SLC47A2: variants seen among roughly 807,000 people sequenced by gnomAD.
SLC47A2 encodes solute carrier family 47 member 2, also known as multidrug and toxin extrusion protein 2.
In SLC47A2, 52 loss-of-function variants were observed where a neutral mutation model predicts 67.7. The observed-to-expected ratio is 0.77, with a 90% confidence interval of 0.61 to 0.97. SLC47A2 has a LOEUF of 0.97. Ranked by LOEUF, SLC47A2 falls within the 50% of genes least tolerant of loss-of-function variation. The probability of loss-of-function intolerance (pLI) is 0.00; values close to 1 mark genes in which losing one functional copy is unlikely to be tolerated. For missense variants in SLC47A2, 676 were observed against 712.3 expected (o/e 0.95, Z 0.58); for synonymous variants, 278 against 292.9 (o/e 0.95, Z 0.52).
At chr17:19,704,829 T>TA in intron 10 of SLC47A2, 1 of 654,814 alleles carries the variant, frequency 1.5e-6, no homozygotes, top group South Asian at 2.6e-5. Flanking sequence ...GTGCTTTTTT[T>TA]TTTTTTTTTT....
At chr17:19,702,755 C>G in intron 12 of SLC47A2, 81 bp from the exon 13 acceptor site, 1 of 1,461,482 alleles carries the variant, frequency 6.8e-7, no homozygotes, top group Non-Finnish European at 9.4e-7. Flanking sequence ...CACACCCCAC[C>G]CCCACAAGAA....
Position 19,681,365 on chromosome 17 carries a change from ACCT to A in SLC47A2, c.1391_1392+1del. 3 of 1,600,484 alleles carry A rather than the reference ACCT, an allele frequency of 1.9e-6. No homozygotes were observed. The highest frequency in any genetic ancestry group is 3.3e-4 in the Middle Eastern group (2 of 5,984). ...GTGGCCAGGGTCAGCTGACCCACTT[ACCT>A]CCTCTGCAGCAAGCTTCCAGTCCAG... is the stretch of plus-strand genomic sequence containing the variant. On this transcript the variant is annotated splice_donor_variant and coding_sequence_variant, in exon 15 of 17. Coordinates refer to ENST00000433844, the MANE Select transcript of SLC47A2 (RefSeq NM_001099646.3). LOFTEE classifies it high-confidence loss of function.
rs2085412091 is a variant in SLC47A2, at chr17:19,685,616, A to C, written c.1165-3946T>G. On this transcript the variant is annotated intron_variant, in intron 13 of 16. Transcript: ENST00000433844. The surrounding 1 kb of genome is among the most constrained non-coding windows in gnomAD (Gnocchi z 4.5). ...GCTTGAAGGCAGCATGCTCATTAAG[A>C]GTCATCACCACTCCCTAATCTCAAG... 6.6e-6 allele frequency among the ~76,000 whole-genome samples: 1 copy of C among 152,190 alleles called. No homozygotes were observed. The highest frequency in any genetic ancestry group is 1.5e-5 in the Non-Finnish European group (1 of 68,036).
At chr17:19,712,793 G>C in intron 4 of SLC47A2, 48 bp from the exon 5 acceptor site, 1 of 1,582,352 alleles carries the variant, frequency 6.3e-7, no homozygotes, top group Non-Finnish European at 8.6e-7. Context: ...GTGGCCCGGG[G>C]AGGCAGGGCC....
chr17:19,691,854 A>G (rs2085548291), intron 13 of SLC47A2, among the ~76,000 whole-genome samples: 1 of 152,256 alleles, frequency 6.6e-6, no homozygotes, highest in Admixed American at 6.5e-5. Flanking sequence ...CATGTACCCC[A>G]TAAATATATA....
intron 13 of SLC47A2, among the ~76,000 whole-genome samples, chr17:19,699,192 G>GT (rs545469641): frequency 1.3e-4 from 19 of 149,718 alleles, no homozygotes; most frequent in Middle Eastern, 3.4e-3. Flanking sequence ...AGAAAGCCTA[G>GT]TTTTTTTTTT....
intron 13 of SLC47A2, among the ~76,000 whole-genome samples, chr17:19,683,369 T>C (rs1177472078): frequency 6.6e-6 from 1 of 152,142 alleles, no homozygotes; most frequent in African/African-American, 2.4e-5. Flanking sequence ...AGTGCTGAGG[T>C]TGAGAAACTC....
At position 19,706,697 on chromosome 17, in the gene SLC47A2, G is replaced by A; in HGVS notation, c.792C>T (p.Leu264=). The change falls in exon 9 of 17, where the codon CTC becomes CTT. Residue 264 remains leucine (L), a synonymous_variant. Coordinates refer to ENST00000433844, the MANE Select transcript of SLC47A2 (RefSeq NM_001099646.3). ...PFFSLAVPSM[L]MICVEWWAYE... ...AGGCCCACCACTCAACACAGATCAT[G>A]AGCATGCTGGGGACAGCCAGGGAGA... The A allele has an allele frequency of 6.2e-7, 1 of 1,611,564 alleles. No individual in the cohort carries two copies. The highest frequency in any genetic ancestry group is 8.5e-7 in the Non-Finnish European group (1 of 1,179,284).
intron 5 of SLC47A2, among the ~76,000 whole-genome samples, chr17:19,709,222 G>A (rs1464517965): frequency 3.9e-5 from 6 of 152,240 alleles, no homozygotes; most frequent in Non-Finnish European, 5.9e-5. Context: ...CATGCTGGCC[G>A]TGGGCAGCCT....
intron 13 of SLC47A2, among the ~76,000 whole-genome samples, chr17:19,701,167 CAAAAAAA>C (rs35086555): frequency 1.5e-5 from 1 of 64,962 alleles, no homozygotes; most frequent in African/African-American, 5.3e-5. Flanking sequence ...GACTCTGTCT[CAAAAAAA>C]AAAAAAAAAA....
chr17:19,707,919 C>T, intron 7 of SLC47A2, 76 bp from the exon 8 acceptor site: 3 of 1,397,084 alleles, frequency 2.1e-6, no homozygotes, highest in Non-Finnish European at 3.0e-6. Context: ...AGAGGTGGCT[C>T]TGGCGGCCAG....
At chr17:19,696,180 C>T (rs1025099688) in intron 13 of SLC47A2, among the ~76,000 whole-genome samples, 5 of 150,638 alleles carry the variant, frequency 3.3e-5, no homozygotes, top group African/African-American at 9.8e-5. Context: ...GGGCCTGGTG[C>T]GGTGGCTCAC....
chr17:19,712,114 C>T (rs141124974), intron 5 of SLC47A2, among the ~76,000 whole-genome samples: 2,012 of 152,198 alleles, frequency 0.013, 17 homozygotes, highest in Non-Finnish European at 0.019. Flanking sequence ...GGGCCGGGCA[C>T]GGTGGCTCAC....
intron 15 of SLC47A2, among the ~76,000 whole-genome samples, chr17:19,681,009 C>G (rs898101326): frequency 3.9e-5 from 6 of 151,948 alleles, no homozygotes; most frequent in Non-Finnish European, 5.9e-5. Context: ...GTCAGGAGAT[C>G]GAGACCATCC....
intron 15 of SLC47A2, 94 bp from the exon 16 acceptor site, chr17:19,680,133 A>T (rs960966935): frequency 2.5e-6 from 3 of 1,212,442 alleles, no homozygotes; most frequent in Non-Finnish European, 3.5e-6. Flanking sequence ...AAAACATTGC[A>T]AGCTGAAGCA....
At chr17:19,683,670 G>C (rs1000091291) in intron 13 of SLC47A2, among the ~76,000 whole-genome samples, 1 of 152,158 alleles carries the variant, frequency 6.6e-6, no homozygotes, top group Non-Finnish European at 1.5e-5. Flanking sequence ...GAGACCCGTA[G>C]TACCCAGAAG....
chr17:19,714,188 G>A (rs760525675), intron 3 of SLC47A2, among the ~76,000 whole-genome samples: 7 of 152,210 alleles, frequency 4.6e-5, no homozygotes, highest in Non-Finnish European at 7.3e-5. Context: ...GCTCCAAGGA[G>A]GACGAAGGCA....
rs369655056 is a variant in SLC47A2 at position 19,692,827 on chromosome 17, C to A, written c.1164+9778G>T. On this transcript the variant is annotated intron_variant, in intron 13 of 16. Transcript: ENST00000433844. ...TAGTAATATACAGAAAATATATACA[C>A]CATGATCAAGAGAGGTTTATCCGGG... Among the ~76,000 whole-genome samples, 171 of 152,224 alleles carry A rather than the reference C, an allele frequency of 1.1e-3. 3 individuals are homozygous for A. In the South Asian group the frequency reaches 0.034, roughly 31 times the overall value.
At position 19,683,478 on chromosome 17, in the gene SLC47A2, C is replaced by T. The variant is rs184132211; in HGVS notation, c.1165-1808G>A. Among the ~76,000 whole-genome samples the T allele has an allele frequency of 3.9e-5, 6 of 152,262 alleles. No homozygotes were observed. The East Asian group carries it at 7.7e-4, about 20-fold the overall frequency. ...TGTGGGCCTGTTTGGGAGAAGCCAT[C>T]GACCAGTGGACTAGGCAGGGATTTA... On this transcript the variant is annotated intron_variant, in intron 13 of 16. Transcript: ENST00000433844.
Sources: allele counts gnomAD v4.1 joint callset (sites outside exome capture counted in the v4.1 genomes callset), GRCh38; gene constraint gnomAD v4.1.1; non-coding constraint Gnocchi (gnomAD v3.1); transcripts MANE v1.5; gene names NCBI Gene and HGNC (gene_info 2026-07-23, HGNC 2026-07-21).